Variants in TNRC18 observed in about 807,000 individuals in gnomAD.
TNRC18 encodes trinucleotide repeat containing 18.
In TNRC18, 69 loss-of-function variants were observed where a neutral mutation model predicts 226.7. The ratio of observed to expected loss-of-function variants is 0.30; its 90% CI spans 0.25 to 0.37. The LOEUF (loss-of-function observed/expected upper bound fraction) is 0.37. Ranked by LOEUF, TNRC18 falls within the 10% of genes least tolerant of loss-of-function variation. TNRC18 has a pLI of 1.00. For missense variants in TNRC18, 4,754 were observed against 4,256.6 expected (o/e 1.12, Z -3.25); for synonymous variants, 2,449 against 1,927.6 (o/e 1.27, Z -7.09).
At chr7:5,355,904 G>C (rs1444692429) in intron 16 of TNRC18, among the ~76,000 whole-genome samples, 1 of 152,008 alleles carries the variant, frequency 6.6e-6, no homozygotes, top group African/African-American at 2.4e-5. Flanking sequence ...AGTAGCTCAC[G>C]CCCATAATCC....
chr7:5,342,819 A>G (rs1225948994), intron 18 of TNRC18, among the ~76,000 whole-genome samples: 1 of 152,230 alleles, frequency 6.6e-6, no homozygotes, highest in Non-Finnish European at 1.5e-5. Flanking sequence ...ATTGCATGTT[A>G]CAGAGAAATC....
Position 5,351,808 on chromosome 7 carries a change from G to A in TNRC18, c.5470+11C>T. 6.4e-7 allele frequency: 1 copy of A among 1,568,960 alleles called. No individual in the cohort carries two copies. Among genetic ancestry groups the A allele is most frequent in the East Asian group, 2.3e-5 (1 of 44,372 alleles). On this transcript the variant is annotated intron_variant, in intron 17 of 29. Transcript: ENST00000430969. Reference sequence around the variant, plus strand: ...AAACACGGAAGGTATTTTGTGTTTGGAGCTAGTAACCTTGGTCAAACGATT... The same window carrying A: ...AAACACGGAAGGTATTTTGTGTTTGAAGCTAGTAACCTTGGTCAAACGATT...
rs533249103 is a variant in TNRC18, at chr7:5,325,601, T to C, written c.6148-353A>G. 1.0e-4 allele frequency: 27 copies of C among 258,530 alleles called. No homozygotes were observed. The South Asian group carries it at 1.1e-3, about 11-fold the overall frequency. 16.0% of individuals were successfully genotyped at this position (258,530 alleles called of 1,614,324 possible). A position where few individuals can be genotyped will look rare whatever the true frequency, so the allele number is the denominator to read the frequency against. On this transcript the variant is annotated intron_variant, in intron 19 of 29. Transcript: ENST00000430969. ...ACCACACCTGGCTAATGTTTTTGTA[T>C]TTTCAGTAGAGACGGGGTTTTACCG...
chr7:5,346,682 C>T (rs1791230825), intron 17 of TNRC18, among the ~76,000 whole-genome samples: 1 of 152,094 alleles, frequency 6.6e-6, no homozygotes, highest in African/African-American at 2.4e-5. Context: ...TAAGTTGACT[C>T]CTAGCAACTC....
chr7:5,315,278 G>A, intron 25 of TNRC18, 130 bp from the exon 26 acceptor site: 1 of 968,650 alleles, frequency 1.0e-6, no homozygotes, highest in Non-Finnish European at 1.5e-6. Flanking sequence ...GACCCCGGAT[G>A]GGCTCCCATG....
chr7:5,367,260 G>C (rs956404365), intron 11 of TNRC18, among the ~76,000 whole-genome samples: 3 of 151,942 alleles, frequency 2.0e-5, no homozygotes, highest in Non-Finnish European at 4.4e-5. Context: ...AGCTACTTGG[G>C]AAGCTGAGGC....
chr7:5,308,259 C>G lies in TNRC18; in HGVS notation c.8754G>C (p.Ser2918=), dbSNP rs201193182. 2.5e-6 allele frequency: 4 copies of G among 1,612,944 alleles called. No individual in the cohort carries two copies. The South Asian group carries it at 3.3e-5, about 13-fold the overall frequency. The part of the protein sequence containing the change: ...HVDENDVQTV[S]HKCLVVGLEQ... ...CCAGGCCCACCACCAGGCACTTGTGCGACACCGTCTGCACGTCATTTTCGT... is the reference window on the plus strand; with the variant it reads ...CCAGGCCCACCACCAGGCACTTGTGGGACACCGTCTGCACGTCATTTTCGT... The change falls in exon 30 of 30, where the codon TCG becomes TCC. Residue 2918 remains serine (S), a synonymous_variant. Transcript: ENST00000430969.
In TNRC18 at chr7:5,313,295, C is replaced by G. The variant is rs1157812607; in HGVS notation, c.7596G>C (p.Gly2532=). 6.5e-7 allele frequency: 1 copy of G among 1,548,440 alleles called. No homozygotes were observed. Among genetic ancestry groups the G allele is most frequent in the East Asian group, 2.4e-5 (1 of 40,892 alleles). The change falls in exon 27 of 30, where the codon GGG becomes GGC. Residue 2532 remains glycine, a synonymous_variant. Transcript: ENST00000430969. ...DGDLAQEPGP[G]LTFEDSGNPK... ...GGTTCCCAGAGTCCTCGAACGTGAG[C>G]CCCGGCCCGGGCTCCTGGGCGAGGT...
intron 21 of TNRC18, among the ~76,000 whole-genome samples, chr7:5,322,931 G>A (rs1562491059): frequency 1.3e-5 from 2 of 152,342 alleles, no homozygotes; most frequent in South Asian, 2.1e-4. Flanking sequence ...GGGGCCCAAT[G>A]CTGAGCCTAG....
chr7:5,413,815 G>A (rs1032738924), intron 2 of TNRC18, among the ~76,000 whole-genome samples: 7 of 152,198 alleles, frequency 4.6e-5, no homozygotes, highest in Non-Finnish European at 8.8e-5. Context: ...TTACAGGCAT[G>A]AGCCACCATG....
intron 2 of TNRC18, among the ~76,000 whole-genome samples, chr7:5,412,093 G>C (rs938625203): frequency 3.3e-5 from 5 of 152,028 alleles, no homozygotes; most frequent in Non-Finnish European, 5.9e-5. Context: ...AGGCACTGAA[G>C]TGGGAGGCTC....
At chr7:5,395,483 C>T (rs1258753406) in intron 2 of TNRC18, among the ~76,000 whole-genome samples, 1 of 152,356 alleles carries the variant, frequency 6.6e-6, no homozygotes, top group East Asian at 1.9e-4. Context: ...TGCCTCCCAG[C>T]TGCCACCCAG....
chr7:5,389,320 G>T lies in TNRC18; in HGVS notation c.504C>A (p.Pro168=). The T allele has an allele frequency of 7.8e-7, 1 of 1,281,136 alleles. No homozygotes were observed. Among genetic ancestry groups the T allele is most frequent in the East Asian group, 3.1e-5 (1 of 32,786 alleles). The allele number at this position is 1,281,136 out of a possible 1,614,324, so 79.4% of individuals were successfully genotyped here. A position where few individuals can be genotyped will look rare whatever the true frequency, so the allele number is the denominator to read the frequency against. Residue 168 remains proline (P), a synonymous_variant, in exon 5 of 30, where the codon CCC becomes CCA. Transcript: ENST00000430969. ...QGPGGDGFYL[P]TAGAPGSLHS... Reference sequence around the variant, plus strand: ...GCAGGGAGCCCGGAGCCCCCGCGGTGGGCAGGTAGAAACCGTCTGCGGAGA... The same window carrying T: ...GCAGGGAGCCCGGAGCCCCCGCGGTTGGCAGGTAGAAACCGTCTGCGGAGA...
intron 5 of TNRC18, among the ~76,000 whole-genome samples, chr7:5,386,593 A>C (rs1562592664): frequency 6.6e-6 from 1 of 151,494 alleles, no homozygotes; most frequent in Non-Finnish European, 1.5e-5. Context: ...AAAAAGAAAA[A>C]GAAAAAATTA....
intron 3 of TNRC18, among the ~76,000 whole-genome samples, chr7:5,393,905 G>A (rs1246800458): frequency 3.9e-5 from 6 of 152,064 alleles, no homozygotes; most frequent in African/African-American, 1.4e-4. Flanking sequence ...ATGGGGTCTT[G>A]CTATGTTGCC....
At position 5,309,305 on chromosome 7, in the gene TNRC18, T is replaced by C; in HGVS notation, c.8452A>G (p.Met2818Val). Residue 2818 changes from methionine (M) to valine (V), a missense_variant, in exon 28 of 30, where the codon ATG (methionine) becomes GTG (valine). Coordinates refer to ENST00000430969, the MANE Select transcript of TNRC18 (RefSeq NM_001080495.3). This position sits in a 1 kb window ranked among gnomAD's most constrained non-coding sequence, Gnocchi z 5.7. ...ACGGCACAGTCCCCGATACGGATCA[T>C]CTCCTTGCCGCGCACGATGGCCTTG... ...FYKAIVRGKE[M>V]IRIGDCAVFL... is the part of the protein sequence containing the mutation. The C allele has an allele frequency of 6.2e-7, 1 of 1,613,866 alleles. No homozygotes were observed.
intron 21 of TNRC18, among the ~76,000 whole-genome samples, chr7:5,322,170 T>C (rs1788440019): frequency 6.6e-6 from 1 of 151,752 alleles, no homozygotes; most frequent in African/African-American, 2.4e-5. Flanking sequence ...CCCAGCTACT[T>C]GGGAGGCTGA....
chr7:5,411,325 G>A (rs571052301), intron 2 of TNRC18, among the ~76,000 whole-genome samples: 5 of 151,576 alleles, frequency 3.3e-5, no homozygotes, highest in East Asian at 1.9e-4. Flanking sequence ...AGTAGCAGTC[G>A]AATATGGAAG....
chr7:5,358,349 A>C (rs766275193), intron 15 of TNRC18, among the ~76,000 whole-genome samples: 70 of 152,318 alleles, frequency 4.6e-4, no homozygotes, highest in Admixed American at 7.8e-4. Flanking sequence ...TATTTTCTTT[A>C]ATCAGGTGAC....
Sources: gnomAD v4.1 joint callset for allele counts (sites outside exome capture counted in the v4.1 genomes callset) on GRCh38, gnomAD v4.1.1 for gene constraint, Gnocchi (gnomAD v3.1) non-coding constraint, MANE v1.5 for transcripts, NCBI Gene and HGNC (gene_info 2026-07-23, HGNC 2026-07-21) for gene names.